The following CDK17 variants were observed in gnomAD, a reference collection of about 807,000 sequenced individuals.
CDK17 encodes cyclin dependent kinase 17.
In CDK17, 24 loss-of-function variants were observed where a neutral mutation model predicts 77.6. The observed-to-expected ratio is 0.31, with a 90% CI of 0.22 to 0.44. The LOEUF (loss-of-function observed/expected upper bound fraction) is 0.44. Ranked by LOEUF, CDK17 falls within the 20% of genes least tolerant of loss-of-function variation. CDK17 has a pLI of 1.00. For missense variants in CDK17, 429 were observed against 622.5 expected (o/e 0.69, Z 3.31); for synonymous variants, 203 against 210.4 (o/e 0.96, Z 0.30).
At position 96,341,185 on chromosome 12, in the gene CDK17, T is replaced by C. The variant is rs771607214; in HGVS notation, c.-29-6320A>G. On this transcript the variant is annotated intron_variant, in intron 1 of 16. Coordinates refer to ENST00000261211, the MANE Select transcript of CDK17 (RefSeq NM_002595.5). Reference sequence around the variant, plus strand: ...GCTATTGTTTCTATGAATATTAAGATAGATTAAACAGTGTGACTTAATGGT... The same window carrying C: ...GCTATTGTTTCTATGAATATTAAGACAGATTAAACAGTGTGACTTAATGGT... Among the ~76,000 whole-genome samples the C allele has an allele frequency of 4.8e-4, 73 of 152,176 alleles. 1 individual carries two copies. Among genetic ancestry groups the C allele is most frequent in the Admixed American group, 1.8e-3 (27 of 15,262 alleles).
intron 5 of CDK17, among the ~76,000 whole-genome samples, chr12:96,304,398 G>A (rs1264979868): frequency 2.0e-5 from 3 of 152,156 alleles, no homozygotes; most frequent in Non-Finnish European, 4.4e-5. Context: ...TTAGCTGGGT[G>A]TGGTGGTGCA....
chr12:96,386,414 C>G (rs993522625), intron 1 of CDK17, among the ~76,000 whole-genome samples: 1 of 152,102 alleles, frequency 6.6e-6, no homozygotes, highest in African/African-American at 2.4e-5. Flanking sequence ...TTTGGGAGGC[C>G]AAGGTGGGAG....
intron 1 of CDK17, among the ~76,000 whole-genome samples, chr12:96,347,696 G>T (rs1314716180): frequency 6.6e-6 from 1 of 150,974 alleles, no homozygotes; most frequent in African/African-American, 2.4e-5. Context: ...TATACCTATT[G>T]TATTAGACCT....
intron 1 of CDK17, among the ~76,000 whole-genome samples, chr12:96,373,624 T>C (rs1451300193): frequency 7.0e-6 from 1 of 143,850 alleles, no homozygotes; most frequent in East Asian, 2.1e-4. Context: ...AGAAAAGAAT[T>C]AACAATTACC....
At chr12:96,294,723 T>C (rs1952379308) in intron 10 of CDK17, among the ~76,000 whole-genome samples, 1 of 152,216 alleles carries the variant, frequency 6.6e-6, no homozygotes, top group Middle Eastern at 3.4e-3. Flanking sequence ...GGTACAATTT[T>C]GGTAATATAT....
At chr12:96,370,410 C>T (rs934061576) in intron 1 of CDK17, among the ~76,000 whole-genome samples, 1 of 152,174 alleles carries the variant, frequency 6.6e-6, no homozygotes, top group East Asian at 1.9e-4. Context: ...TAGAAGTTAC[C>T]TGCGAGTAAC....
chr12:96,345,352 G>A (rs1323000819), intron 1 of CDK17, among the ~76,000 whole-genome samples: 4 of 152,200 alleles, frequency 2.6e-5, no homozygotes, highest in Non-Finnish European at 5.9e-5. Context: ...CCAGTAATGG[G>A]ATTGCTGGTC....
chr12:96,342,654 T>C (rs1190795429), intron 1 of CDK17, among the ~76,000 whole-genome samples: 1 of 152,188 alleles, frequency 6.6e-6, no homozygotes, highest in Admixed American at 6.5e-5. Flanking sequence ...ATAGGTTTTT[T>C]ATACAAACAC....
chr12:96,388,972 T>C (rs1048771463), intron 1 of CDK17, among the ~76,000 whole-genome samples: 2 of 152,048 alleles, frequency 1.3e-5, no homozygotes, highest in African/African-American at 4.8e-5. Flanking sequence ...TGCTAAGCCA[T>C]TCATGAGGGA....
intron 2 of CDK17, among the ~76,000 whole-genome samples, chr12:96,325,548 C>T (rs1272711395): frequency 2.0e-5 from 3 of 152,192 alleles, no homozygotes; most frequent in African/African-American, 2.4e-5. Flanking sequence ...TGAGCCTCTA[C>T]GAATACTGGT....
chr12:96,292,015 A>G (rs1422659819), intron 10 of CDK17, among the ~76,000 whole-genome samples: 2 of 152,136 alleles, frequency 1.3e-5, no homozygotes, highest in African/African-American at 2.4e-5. Context: ...AGAAAGAAAA[A>G]AGAGAGAGAG....
chr12:96,398,287 TCCAAC>T (rs928589142), intron 1 of CDK17, among the ~76,000 whole-genome samples: 3 of 152,226 alleles, frequency 2.0e-5, no homozygotes, highest in African/African-American at 7.2e-5. Flanking sequence ...TTTCTTTTGT[TCCAAC>T]CCACTGTTTA....
At chr12:96,382,724 T>C (rs930328228) in intron 1 of CDK17, among the ~76,000 whole-genome samples, 1 of 152,166 alleles carries the variant, frequency 6.6e-6, no homozygotes, top group Non-Finnish European at 1.5e-5. Flanking sequence ...ACAATAAATG[T>C]GATTCACCAC....
chr12:96,325,369 G>GGAA (rs1278372633), intron 2 of CDK17, among the ~76,000 whole-genome samples: 6 of 152,100 alleles, frequency 3.9e-5, no homozygotes, highest in Non-Finnish European at 8.8e-5. Context: ...CCTGATCAGG[G>GGAA]GATTCCTCTA....
intron 1 of CDK17, among the ~76,000 whole-genome samples, chr12:96,355,398 GTTTTTTTTTTT>G (rs58937020): frequency 1.2e-3 from 86 of 72,480 alleles, no homozygotes; most frequent in Admixed American, 1.7e-3. Context: ...TCTACATTGG[GTTTTTTTTTTT>G]TTTTTTTTTT....
intron 3 of CDK17, among the ~76,000 whole-genome samples, chr12:96,322,302 C>G (rs1482647890): frequency 4.6e-5 from 7 of 152,260 alleles, no homozygotes; most frequent in African/African-American, 1.7e-4. Flanking sequence ...ATTTAATCTG[C>G]GTTACTAACA....
chr12:96,369,223 C>T (rs894563533), intron 1 of CDK17, among the ~76,000 whole-genome samples: 3 of 152,062 alleles, frequency 2.0e-5, no homozygotes, highest in African/African-American at 4.8e-5. Context: ...TAACTTAAAA[C>T]ACTCAAATGC....
chr12:96,366,587 A>C (rs952578035), intron 1 of CDK17, among the ~76,000 whole-genome samples: 2 of 152,192 alleles, frequency 1.3e-5, no homozygotes, highest in African/African-American at 4.8e-5. Flanking sequence ...GTAGTACCTC[A>C]TGCTTGTTTA....
chr12:96,342,461 C>A (rs1438114558), intron 1 of CDK17, among the ~76,000 whole-genome samples: 1 of 152,118 alleles, frequency 6.6e-6, no homozygotes, highest in African/African-American at 2.4e-5. Flanking sequence ...ACTTGGGAGG[C>A]TGAGGCAGAA....
Sources: allele counts gnomAD v4.1 joint callset (sites outside exome capture counted in the v4.1 genomes callset), GRCh38; gene constraint gnomAD v4.1.1; transcripts MANE v1.5; gene names NCBI Gene and HGNC (gene_info 2026-07-23, HGNC 2026-07-21).